SPAG4: variants seen among roughly 807,000 people sequenced by gnomAD.
SPAG4 encodes the protein sperm-associated antigen 4 protein.
Under a neutral mutation model 53.9 loss-of-function variants are expected in SPAG4, and 54 were observed. The observed-to-expected ratio is 1.00, with a 90% CI of 0.80 to 1.26. SPAG4 has a LOEUF of 1.26. Ranked by LOEUF, SPAG4 falls within the 50% of genes most tolerant of loss-of-function variation. SPAG4 has a pLI of 0.00. For synonymous variants in SPAG4, 246 were observed against 237.4 expected (o/e 1.04, Z -0.33); for missense variants, 548 against 568.6 (o/e 0.96, Z 0.37).
Position 35,615,973 on chromosome 20 carries a change from A to C in SPAG4, c.-31A>C, listed in dbSNP as rs771537881. 12 of 1,605,048 alleles carry C rather than the reference A, an allele frequency of 7.5e-6. No homozygotes were observed. Among genetic ancestry groups the C allele is most frequent in the Admixed American group, 1.7e-5 (1 of 59,538 alleles). On this transcript the variant is annotated 5_prime_UTR_variant, in exon 1 of 12. Coordinates refer to ENST00000374273, the MANE Select transcript of SPAG4 (RefSeq NM_003116.3). ...CCTTGGCGACCGCAGCGGCGGCTTT[A>C]GCGTCAGTGACTAGGCAGCAGGGGG... is the stretch of plus-strand genomic sequence containing the variant.
Position 35,619,694 on chromosome 20 carries a change from G to C in SPAG4, c.1025G>C (p.Ser342Thr), listed in dbSNP as rs145903536. The C allele has an allele frequency of 1.2e-6, 2 of 1,613,600 alleles. No individual in the cohort carries two copies. The highest frequency in any genetic ancestry group is 1.3e-5 in the African/African-American group (1 of 74,928). ...ATCACTCTGCAGCATCCACCGCCCAGCGTGGAGCACACCGGAGGAGCCAAC... is the reference window on the plus strand; with the variant it reads ...ATCACTCTGCAGCATCCACCGCCCACCGTGGAGCACACCGGAGGAGCCAAC... ...SDITLQHPPP[S>T]VEHTGGANSA... Residue 342 changes from serine to threonine, a missense_variant, in exon 10 of 12, where the codon AGC (serine) becomes ACC (threonine). Ser to Thr is a moderately conservative substitution (Grantham distance 58). Transcript: ENST00000374273.
At chr20:35,619,170 T>C (rs753557427) in intron 8 of SPAG4, 25 bp from the exon 9 acceptor site, 3 of 1,511,576 alleles carry the variant, frequency 2.0e-6, no homozygotes, top group Admixed American at 3.6e-5. Flanking sequence ...TGGGAGCCTC[T>C]GAGGGTTACT....
rs11476679 is a variant in SPAG4, at chr20:35,616,633, CTT to C, written c.304+341_304+342del. Among the ~76,000 whole-genome samples the C allele has an allele frequency of 2.0e-3, 254 of 128,840 alleles. 1 individual carries two copies. The highest frequency in any genetic ancestry group is 4.3e-3 in the African/African-American group (145 of 33,730). The allele number at this position is 128,840 out of a possible 152,430, so 84.5% of individuals were successfully genotyped here. A position where few individuals can be genotyped will look rare whatever the true frequency, so the allele number is the denominator to read the frequency against. On this transcript the variant is annotated intron_variant, in intron 1 of 11. Coordinates refer to ENST00000374273, the MANE Select transcript of SPAG4 (RefSeq NM_003116.3). ...CATCCGTTTGGGGGAGGGACCAACT[CTT>C]TTTTTTTTTTTTTTGCAACGGAGTT...
chr20:35,617,998 C>T (rs1203318949), intron 4 of SPAG4, 89 bp from the exon 5 acceptor site: 2 of 1,433,616 alleles, frequency 1.4e-6, no homozygotes, highest in Non-Finnish European at 9.7e-7. Flanking sequence ...CAGGCTTAAC[C>T]CCCTCAAGCC....
At position 35,620,996 on chromosome 20, in the gene SPAG4, G is replaced by A. The variant is rs944267007; in HGVS notation, c.1288G>A (p.Glu430Lys). The A allele has an allele frequency of 6.2e-7, 1 of 1,614,224 alleles. No homozygotes were observed. The highest frequency in any genetic ancestry group is 8.5e-7 in the Non-Finnish European group (1 of 1,180,032). ...AHGVRTSEGA[E>K]GSAQGPH ...CGGTGTGCGAACCTCAGAGGGGGCAGAGGGCAGTGCACAGGGGCCCCATTA... is the reference window on the plus strand; with the variant it reads ...CGGTGTGCGAACCTCAGAGGGGGCAAAGGGCAGTGCACAGGGGCCCCATTA... Residue 430 changes from glutamate to lysine, a missense_variant, in exon 12 of 12, where the codon GAG (glutamate) becomes AAG (lysine). Physicochemically the swap from Glu to Lys is moderately conservative, Grantham distance 56 (BLOSUM62 1). Transcript: ENST00000374273.
rs747470129 is a variant in SPAG4, at chr20:35,619,695, C to A, written c.1026C>A (p.Ser342Arg). 1.9e-5 allele frequency: 31 copies of A among 1,613,466 alleles called. No homozygotes were observed. Among genetic ancestry groups the A allele is most frequent in the Non-Finnish European group, 2.5e-5 (30 of 1,179,668 alleles). ...SDITLQHPPP[S>R]VEHTGGANSA... ...TCACTCTGCAGCATCCACCGCCCAG[C>A]GTGGAGCACACCGGAGGAGCCAACA... Residue 342 changes from serine (S) to arginine (R), a missense_variant, in exon 10 of 12, where the codon AGC (serine) becomes AGA (arginine). Ser to Arg is a moderately radical substitution (Grantham distance 110, BLOSUM62 -1). Transcript: ENST00000374273.
chr20:35,617,768 C>T lies in SPAG4; in HGVS notation c.477-11C>T. 3.7e-6 allele frequency: 6 copies of T among 1,613,324 alleles called. No individual in the cohort carries two copies. In the South Asian group the frequency reaches 5.5e-5, roughly 15 times the overall value. On this transcript the variant is annotated splice_polypyrimidine_tract_variant and intron_variant, in intron 3 of 11. Transcript: ENST00000374273. ...GCAGGTCGGGGCCTCAGCCTCCCTCCGGTTCCCCAGGGAGGTCTGTTCCAT... is the reference window on the plus strand; with the variant it reads ...GCAGGTCGGGGCCTCAGCCTCCCTCTGGTTCCCCAGGGAGGTCTGTTCCAT...
intron 10 of SPAG4, 31 bp downstream of exon 10, chr20:35,619,777 A>G (rs776534752): frequency 6.3e-7 from 1 of 1,586,726 alleles, no homozygotes; most frequent in Non-Finnish European, 8.6e-7. Flanking sequence ...GAGGTGGGGG[A>G]TTTTGCCTAG....
chr20:35,619,390 C>A, intron 9 of SPAG4, 80 bp downstream of exon 9: 6 of 1,453,454 alleles, frequency 4.1e-6, no homozygotes, highest in Admixed American at 3.4e-5. Context: ...ACAGGCGGAG[C>A]TTGGCTGAGC....
At position 35,617,764 on chromosome 20, in the gene SPAG4, C is replaced by A; in HGVS notation, c.477-15C>A. 6.2e-7 allele frequency: 1 copy of A among 1,613,616 alleles called. No individual in the cohort carries two copies. The highest frequency in any genetic ancestry group is 8.5e-7 in the Non-Finnish European group (1 of 1,179,676). The stretch of plus-strand genomic sequence containing the variant: ...TTGAGCAGGTCGGGGCCTCAGCCTC[C>A]CTCCGGTTCCCCAGGGAGGTCTGTT... On this transcript the variant is annotated splice_polypyrimidine_tract_variant and intron_variant, in intron 3 of 11. Coordinates refer to ENST00000374273, the MANE Select transcript of SPAG4 (RefSeq NM_003116.3).
At position 35,616,055 on chromosome 20, in the gene SPAG4, C is replaced by T. The variant is rs746484079; in HGVS notation, c.52C>T (p.Pro18Ser). The T allele has an allele frequency of 3.7e-6, 6 of 1,612,776 alleles. No homozygotes were observed. The highest frequency in any genetic ancestry group is 4.5e-5 in the East Asian group (2 of 44,818). ...GGCCTCGTCCTCGCGCAAGCACACG[C>T]CCAACTTTTTCAGCGAGAACAGCTC... Reference protein sequence around the residue: ...GSASSSRKHTPNFFSENSSMS... With the variant: ...GSASSSRKHTSNFFSENSSMS... The change falls in exon 1 of 12, where the codon CCC becomes TCC. Residue 18 changes from proline to serine, a missense_variant. Coordinates refer to ENST00000374273, the MANE Select transcript of SPAG4 (RefSeq NM_003116.3).
intron 6 of SPAG4, 43 bp from the exon 7 acceptor site, chr20:35,618,569 G>A (rs1385869907): frequency 3.3e-5 from 52 of 1,597,748 alleles, no homozygotes; most frequent in Non-Finnish European, 4.2e-5. Flanking sequence ...GGTGTCCAGG[G>A]GGACAGGGAG....
chr20:35,617,582 T>G lies in SPAG4; in HGVS notation c.472T>G (p.Tyr158Asp), dbSNP rs746178858. Residue 158 changes from tyrosine to aspartate, a missense_variant, in exon 3 of 12, where the codon TAC becomes GAC. Physicochemically the swap from Tyr to Asp is radical, Grantham distance 160. Transcript: ENST00000374273. ...SLAGDVLVSM[Y>D]REVCSIRFLF... The stretch of plus-strand genomic sequence containing the variant: ...GGCAGGAGACGTGCTGGTCAGCATG[T>G]ACAGGTCAGAGGAAGGGACGCTGGC... 6.2e-7 allele frequency: 1 copy of G among 1,607,898 alleles called. No individual in the cohort carries two copies. The highest frequency in any genetic ancestry group is 1.7e-5 in the Admixed American group (1 of 58,808).
rs2031448978 is a variant in SPAG4 at position 35,618,111 on chromosome 20, T to C, written c.563T>C (p.Leu188Pro). Residue 188 changes from leucine (L) to proline (P), a missense_variant, in exon 5 of 12, where the codon CTG becomes CCG. By Grantham distance (98) the Leu-to-Pro change is moderately conservative. Coordinates refer to ENST00000374273, the MANE Select transcript of SPAG4 (RefSeq NM_003116.3). The stretch of plus-strand genomic sequence containing the variant: ...GCATTCTGGCTGGGGCTTCTGTACC[T>C]GGTCTCTCCTTTGGAGAATGTGAGT... Reference protein sequence around the residue: ...LSAFWLGLLYLVSPLENEPKE... With the variant: ...LSAFWLGLLYPVSPLENEPKE... 1.1e-5 allele frequency: 17 copies of C among 1,613,792 alleles called. No individual in the cohort carries two copies. The highest frequency in any genetic ancestry group is 1.4e-5 in the Non-Finnish European group (16 of 1,179,886).
Position 35,620,520 on chromosome 20 carries a change from A to C in SPAG4, c.1078-164A>C, listed in dbSNP as rs17092853. The C allele has an allele frequency of 7.0e-3, 4,013 of 577,402 alleles. 212 individuals are homozygous for C. In the Admixed American group the frequency reaches 0.095, roughly 14 times the overall value. The allele number at this position is 577,402 out of a possible 1,614,324, so 35.8% of individuals were successfully genotyped here. ...ATAAATAAATAAAACCTGGTTTCTT[A>C]GAGCCCACATTCTGAATTACAGTGT... On this transcript the variant is annotated intron_variant, in intron 10 of 11. Transcript: ENST00000374273.
intron 10 of SPAG4, 62 bp from the exon 11 acceptor site, chr20:35,620,622 C>T (rs750663188): frequency 2.2e-5 from 8 of 371,194 alleles, no homozygotes; most frequent in Admixed American, 1.6e-4. Context: ...GTTTTCTTCT[C>T]CCCGCCCCCC....
intron 1 of SPAG4, chr20:35,616,912 G>T (rs1016327911): frequency 5.3e-6 from 3 of 564,690 alleles, no homozygotes; most frequent in Non-Finnish European, 9.5e-6. Context: ...TTACAGGCGT[G>T]AGCCACCGCG....
rs745785045 is a variant in SPAG4, at chr20:35,616,222, A to G, written c.219A>G (p.Ala73=). The change falls in exon 1 of 12, where the codon GCA becomes GCG. Residue 73 remains alanine, a synonymous_variant. Coordinates refer to ENST00000374273, the MANE Select transcript of SPAG4 (RefSeq NM_003116.3). The part of the protein sequence containing the change: ...SAGVPGGTTW[A]GSSQQKPAPR... ...GAGTGCCCGGAGGAACCACATGGGC[A>G]GGAAGCTCTCAGCAGAAGCCAGCGC... 3 of 1,573,378 alleles carry G rather than the reference A, an allele frequency of 1.9e-6. No homozygotes were observed. The highest frequency in any genetic ancestry group is 1.1e-5 in the South Asian group (1 of 87,206).
chr20:35,617,339 C>T lies in SPAG4; in HGVS notation c.409+99C>T, dbSNP rs769813302. 13 of 985,480 alleles carry T rather than the reference C, an allele frequency of 1.3e-5. No homozygotes were observed. In the Admixed American group the frequency reaches 2.7e-4, roughly 20 times the overall value. 61.0% of individuals were successfully genotyped at this position (985,480 alleles called of 1,614,324 possible). A position where few individuals can be genotyped will look rare whatever the true frequency, so the allele number is the denominator to read the frequency against. ...CCCGGCCCCCGTTTGAGTATCGAGC[C>T]CCTCTCCGAGCCTCAACTCATTCCT... On this transcript the variant is annotated intron_variant, in intron 2 of 11. Coordinates refer to ENST00000374273, the MANE Select transcript of SPAG4 (RefSeq NM_003116.3).
Sources: allele counts gnomAD v4.1 joint callset (sites outside exome capture counted in the v4.1 genomes callset), GRCh38; gene constraint gnomAD v4.1.1; transcripts MANE v1.5; gene names NCBI Gene and HGNC (gene_info 2026-07-23, HGNC 2026-07-21).